Variants in PAK5 observed in about 807,000 individuals in gnomAD.
The protein encoded by PAK5 is serine/threonine-protein kinase PAK 5.
A neutral mutation model predicts 65.9 loss-of-function variants in PAK5; 16 were observed. That is an observed-to-expected ratio of 0.24 (90% CI 0.16 to 0.37). The LOEUF is 0.37. Ranked by LOEUF, PAK5 falls within the 10% of genes least tolerant of loss-of-function variation. The pLI is 1.00. For synonymous variants in PAK5, 371 were observed against 354.9 expected (o/e 1.05, Z -0.51); for missense variants, 785 against 903.9 (o/e 0.87, Z 1.69).
chr20:9,816,931 A>G (rs959206227), intron 1 of PAK5, among the ~76,000 whole-genome samples: 2 of 152,128 alleles, frequency 1.3e-5, no homozygotes, highest in Non-Finnish European at 2.9e-5. Context: ...TCTGCTACTA[A>G]CTGCTGAGAC....
At chr20:9,773,140 TACA>T (rs929091647) in intron 1 of PAK5, among the ~76,000 whole-genome samples, 11 of 152,296 alleles carry the variant, frequency 7.2e-5, no homozygotes, top group African/African-American at 2.4e-4. Flanking sequence ...CCTAAAGAAG[TACA>T]ACATGTCCCA....
Position 9,565,887 on chromosome 20 carries a change from CTT to C in PAK5, c.1482+4_1482+5del, listed in dbSNP as rs1356377996. 1 of 1,609,144 alleles carries C rather than the reference CTT, an allele frequency of 6.2e-7. No individual in the cohort carries two copies. Among genetic ancestry groups the C allele is most frequent in the Admixed American group, 1.7e-5 (1 of 59,836 alleles). Reference sequence around the variant, plus strand: ...AGAGAAAGGATGACCCAAACACACTCTTTACCTCATTGAAAAGCAGTTCTCGT... The same window carrying C: ...AGAGAAAGGATGACCCAAACACACTCTACCTCATTGAAAAGCAGTTCTCGT... On this transcript the variant is annotated splice_donor_5th_base_variant and intron_variant, in intron 5 of 9. Coordinates refer to ENST00000353224, the MANE Select transcript of PAK5 (RefSeq NM_177990.4).
chr20:9,664,229 A>G (rs570018827), intron 2 of PAK5, among the ~76,000 whole-genome samples: 1 of 152,186 alleles, frequency 6.6e-6, no homozygotes. Flanking sequence ...ATAGATCCTA[A>G]CCAAGAGTGT....
chr20:9,690,746 CTTTCTTT>C (rs1244962642), intron 2 of PAK5, among the ~76,000 whole-genome samples: 6 of 117,938 alleles, frequency 5.1e-5, no homozygotes, highest in African/African-American at 1.5e-4. Context: ...TTCTTTCTTT[CTTTCTTT>C]TTTTTTTTTT....
intron 1 of PAK5, among the ~76,000 whole-genome samples, chr20:9,813,853 C>G (rs1057123614): frequency 6.6e-6 from 1 of 152,168 alleles, no homozygotes; most frequent in Non-Finnish European, 1.5e-5. Flanking sequence ...GGTGCTTGTA[C>G]AAAGGTGTGC....
intron 6 of PAK5, among the ~76,000 whole-genome samples, chr20:9,559,619 T>C (rs900085327): frequency 2.2e-4 from 33 of 152,066 alleles, no homozygotes; most frequent in African/African-American, 7.5e-4. Flanking sequence ...AAAAATTAGC[T>C]GGGCATGGTG....
chr20:9,542,607 T>C lies in PAK5; in HGVS notation c.1983A>G (p.Pro661=), dbSNP rs1462664081. The C allele has an allele frequency of 2.5e-6, 4 of 1,614,086 alleles. No individual in the cohort carries two copies. The highest frequency in any genetic ancestry group is 3.3e-5 in the Admixed American group (2 of 60,020). Residue 661 remains proline (P), a synonymous_variant, in exon 9 of 10, where the codon CCA becomes CCG. Coordinates refer to ENST00000353224, the MANE Select transcript of PAK5 (RefSeq NM_177990.4). ...AMRRIRDSLP[P]RVKDLHKVSS... ...TCACCTTGTGTAGGTCCTTCACTCT[T>C]GGAGGTAAACTGTCCCGGATCCTCC...
chr20:9,723,921 T>C (rs554123949), intron 1 of PAK5, among the ~76,000 whole-genome samples: 1 of 152,334 alleles, frequency 6.6e-6, no homozygotes, highest in East Asian at 1.9e-4. Context: ...GCTTATTATG[T>C]AGCATTTTCA....
intron 2 of PAK5, among the ~76,000 whole-genome samples, chr20:9,709,508 C>A (rs766849416): frequency 6.6e-6 from 1 of 152,164 alleles, no homozygotes; most frequent in Non-Finnish European, 1.5e-5. Context: ...GCTACCTGAG[C>A]TGTGTGGTAC....
chr20:9,663,826 A>G (rs1382513510), intron 2 of PAK5, among the ~76,000 whole-genome samples: 2 of 152,192 alleles, frequency 1.3e-5, no homozygotes, highest in African/African-American at 4.8e-5. Flanking sequence ...GTATTGCTTT[A>G]TATTTCTACT....
intron 2 of PAK5, among the ~76,000 whole-genome samples, chr20:9,709,351 G>T (rs944817943): frequency 2.0e-5 from 3 of 152,168 alleles, no homozygotes; most frequent in Non-Finnish European, 2.9e-5. Flanking sequence ...CATGTCAGAG[G>T]TGAAATGTAC....
At chr20:9,732,646 A>C (rs976337364) in intron 1 of PAK5, among the ~76,000 whole-genome samples, 3 of 81,200 alleles carry the variant, frequency 3.7e-5, no homozygotes, top group African/African-American at 1.1e-4. Flanking sequence ...ATACCCACAC[A>C]CTTCCCTTTC....
chr20:9,804,641 A>G (rs2049209713), intron 1 of PAK5, among the ~76,000 whole-genome samples: 1 of 152,238 alleles, frequency 6.6e-6, no homozygotes, highest in African/African-American at 2.4e-5. Flanking sequence ...GTAAATCTGC[A>G]TGACATCAAA....
intron 2 of PAK5, among the ~76,000 whole-genome samples, chr20:9,668,901 T>G (rs1345552268): frequency 3.9e-5 from 6 of 152,214 alleles, no homozygotes; most frequent in African/African-American, 1.4e-4. Context: ...GGAGCCTGCA[T>G]GCAGATCAGC....
At chr20:9,678,794 T>C (rs1028783983) in intron 2 of PAK5, among the ~76,000 whole-genome samples, 1 of 152,032 alleles carries the variant, frequency 6.6e-6, no homozygotes, top group Non-Finnish European at 1.5e-5. Context: ...CTCACTATCA[T>C]GACAACAGCA....
chr20:9,796,796 T>A (rs377518147), intron 1 of PAK5, among the ~76,000 whole-genome samples: 1 of 152,090 alleles, frequency 6.6e-6, no homozygotes, highest in African/African-American at 2.4e-5. Flanking sequence ...ATATAGCAGA[T>A]GAGATGGGGA....
intron 1 of PAK5, among the ~76,000 whole-genome samples, chr20:9,765,289 C>G (rs980104618): frequency 1.5e-4 from 23 of 151,948 alleles, no homozygotes; most frequent in Non-Finnish European, 1.5e-5. Context: ...TATCTAAAAG[C>G]CAGTTTTCAT....
rs140675565 is a variant in PAK5 at position 9,593,806 on chromosome 20, ATC to A, written c.205-12878_205-12877del. On this transcript the variant is annotated intron_variant, in intron 3 of 9. Transcript: ENST00000353224. ...GCAAAATGAGACATTTATCCCAAGG[ATC>A]TCTCTCTCTCTCTCTCTTTCTCTCT... Among the ~76,000 whole-genome samples, 41 of 147,162 alleles carry A rather than the reference ATC, an allele frequency of 2.8e-4. 1 individual carries two copies. Among genetic ancestry groups the A allele is most frequent in the Non-Finnish European group, 2.9e-4 (19 of 66,326 alleles).
intron 3 of PAK5, among the ~76,000 whole-genome samples, chr20:9,592,104 G>A (rs918888525): frequency 6.6e-6 from 1 of 152,088 alleles, no homozygotes. Context: ...TGTCTCAAAA[G>A]TTTGAAACTT....
Sources: gnomAD v4.1 joint callset for allele counts (sites outside exome capture counted in the v4.1 genomes callset) on GRCh38, gnomAD v4.1.1 for gene constraint, MANE v1.5 for transcripts, NCBI Gene and HGNC (gene_info 2026-07-23, HGNC 2026-07-21) for gene names.